Variants in SLFN11 observed in about 807,000 individuals in gnomAD.
The protein encoded by SLFN11 is schlafen family member 11.
In SLFN11, 43 loss-of-function variants were observed where a neutral mutation model predicts 53.4. The observed-to-expected ratio is 0.80, with a 90% CI of 0.63 to 1.04. The LOEUF (loss-of-function observed/expected upper bound fraction) is 1.04, where lower values mean the gene tolerates loss of function less well. Among genes scored for constraint, SLFN11 ranks in the 50% least tolerant of loss-of-function variants. SLFN11 has a pLI of 0.00. For synonymous variants in SLFN11, 389 were observed against 394.7 expected (o/e 0.99, Z 0.17); for missense variants, 990 against 1,079.1 (o/e 0.92, Z 1.16).
In SLFN11 at chr17:35,350,867, C is replaced by T. The variant is rs1029346220; in HGVS notation, c.*1489G>A. The T allele has an allele frequency of 6.6e-6, 1 of 152,118 alleles. No homozygotes were observed. The highest frequency in any genetic ancestry group is 2.4e-5 in the African/African-American group (1 of 41,432). The allele number at this position is 152,118 out of a possible 1,614,324, so 9.4% of individuals were successfully genotyped here. Reference sequence around the variant, plus strand: ...AAGTGAAATATTGGTCATATGATTTCTTAGTTTCCATTAGTTATGCAAATA... The same window carrying T: ...AAGTGAAATATTGGTCATATGATTTTTTAGTTTCCATTAGTTATGCAAATA... On this transcript the variant is annotated 3_prime_UTR_variant, in exon 7 of 7. Transcript: ENST00000685675.
chr17:35,352,926 G>A lies in SLFN11; in HGVS notation c.2136C>T (p.Cys712=). ...GGTCTGAGAGAGGAGGGAGGCCACT[G>A]CAATCCAAGTGGCTGGTCTGAAAGT... ...LDYFQTSHLD[C]SGLPPLSDQY... The change falls in exon 7 of 7, where the codon TGC becomes TGT. Residue 712 remains cysteine, a synonymous_variant. Coordinates refer to ENST00000685675, the MANE Select transcript of SLFN11 (RefSeq NM_001376007.1). 1.2e-6 allele frequency: 2 copies of A among 1,614,206 alleles called. No individual in the cohort carries two copies. Among genetic ancestry groups the A allele is most frequent in the Non-Finnish European group, 1.7e-6 (2 of 1,180,038 alleles).
Position 35,353,905 on chromosome 17 carries a change from C to T in SLFN11, c.1353G>A (p.Leu451=). 6.2e-7 allele frequency: 1 copy of T among 1,613,874 alleles called. No individual in the cohort carries two copies. The highest frequency in any genetic ancestry group is 2.2e-5 in the East Asian group (1 of 44,874). The stretch of plus-strand genomic sequence containing the variant: ...CACAGATGACTCCTGGCTTCTCCTG[C>T]AAGTTCAGGTCCACAGCCCAACTTC... ...FSRSWAVDLN[L]QEKPGVICDA... is the part of the protein sequence containing the mutation. Residue 451 remains leucine, a synonymous_variant, in exon 6 of 7, where the codon TTG becomes TTA. Coordinates refer to ENST00000685675, the MANE Select transcript of SLFN11 (RefSeq NM_001376007.1).
At chr17:35,372,414 T>A (rs1909799658) in intron 1 of SLFN11, among the ~76,000 whole-genome samples, 1 of 152,096 alleles carries the variant, frequency 6.6e-6, no homozygotes, top group African/African-American at 2.4e-5. Flanking sequence ...GTTATTATAG[T>A]CAATGATAAC....
At chr17:35,355,055 T>A (rs34765970) in intron 5 of SLFN11, among the ~76,000 whole-genome samples, 1,935 of 152,204 alleles carry the variant, frequency 0.013, 47 homozygotes, top group African/African-American at 0.043. Context: ...CATCTTAGAA[T>A]GGATAAAATA....
At chr17:35,367,905 C>T (rs993613653) in intron 1 of SLFN11, among the ~76,000 whole-genome samples, 4 of 151,948 alleles carry the variant, frequency 2.6e-5, no homozygotes, top group South Asian at 2.1e-4. Flanking sequence ...GGATCTAGTC[C>T]TGCAGGACCC....
intron 4 of SLFN11, 77 bp downstream of exon 4, chr17:35,362,662 G>T: frequency 8.5e-7 from 1 of 1,176,716 alleles, no homozygotes; most frequent in Non-Finnish European, 1.2e-6. Flanking sequence ...AAAGTCATAG[G>T]CAGCAAAGGA....
chr17:35,373,139 C>T (rs1326380517), intron 1 of SLFN11, among the ~76,000 whole-genome samples: 1 of 152,108 alleles, frequency 6.6e-6, no homozygotes, highest in Non-Finnish European at 1.5e-5. Flanking sequence ...CAGTGGCCTT[C>T]TAGGCTTCGG....
At chr17:35,368,954 C>T (rs1909305598) in intron 1 of SLFN11, among the ~76,000 whole-genome samples, 1 of 152,106 alleles carries the variant, frequency 6.6e-6, no homozygotes, top group South Asian at 2.1e-4. Context: ...CTATCACCTG[C>T]TGACTAAAGA....
chr17:35,359,517 T>TG (rs1216971086), intron 5 of SLFN11, among the ~76,000 whole-genome samples: 1 of 152,126 alleles, frequency 6.6e-6, no homozygotes, highest in Non-Finnish European at 1.5e-5. Context: ...TTTCCCTCTC[T>TG]GGGATTCTAC....
intron 3 of SLFN11, 148 bp from the exon 4 acceptor site, chr17:35,363,974 G>T: frequency 1.6e-6 from 1 of 624,740 alleles, no homozygotes; most frequent in Non-Finnish European, 2.6e-6. Flanking sequence ...TGGCTGGCAA[G>T]GAAGGGTGCT....
chr17:35,352,132 A>T lies in SLFN11; in HGVS notation c.*224T>A. ...GCTAAAGTTCCTTTAGAAAACCACCATCTTTCTGGCTGGAAGAGTCAGGGG... is the reference window on the plus strand; with the variant it reads ...GCTAAAGTTCCTTTAGAAAACCACCTTCTTTCTGGCTGGAAGAGTCAGGGG... On this transcript the variant is annotated 3_prime_UTR_variant, in exon 7 of 7. Transcript: ENST00000685675. 1.7e-6 allele frequency: 1 copy of T among 595,044 alleles called. No individual in the cohort carries two copies. The highest frequency in any genetic ancestry group is 2.9e-6 in the Non-Finnish European group (1 of 339,164). 36.9% of individuals were successfully genotyped at this position (595,044 alleles called of 1,614,324 possible).
chr17:35,363,664 C>T lies in SLFN11; in HGVS notation c.144G>A (p.Arg48=), dbSNP rs2141970035. The change falls in exon 4 of 7, where the codon CGG becomes CGA. Residue 48 remains arginine (R), a synonymous_variant. Coordinates refer to ENST00000685675, the MANE Select transcript of SLFN11 (RefSeq NM_001376007.1). ...CTGAGTTTAATAAAGCACATGCAGCCCGCATAACTCTCTCCTTCTCTTGGT... is the reference window on the plus strand; with the variant it reads ...CTGAGTTTAATAAAGCACATGCAGCTCGCATAACTCTCTCCTTCTCTTGGT... The part of the protein sequence containing the change: ...QRDQEKERVM[R]AACALLNSGG... 6.2e-7 allele frequency: 1 copy of T among 1,613,894 alleles called. No homozygotes were observed. Among genetic ancestry groups the T allele is most frequent in the East Asian group, 2.2e-5 (1 of 44,888 alleles).
chr17:35,366,993 G>C lies in SLFN11; in HGVS notation c.-66C>G, dbSNP rs985933961. 1 of 151,366 alleles carries C rather than the reference G, an allele frequency of 6.6e-6. No homozygotes were observed. Among genetic ancestry groups the C allele is most frequent in the Non-Finnish European group, 1.5e-5 (1 of 67,946 alleles). The allele number at this position is 151,366 out of a possible 1,614,324, so 9.4% of individuals were successfully genotyped here. A position where few individuals can be genotyped will look rare whatever the true frequency, so the allele number is the denominator to read the frequency against. On this transcript the variant is annotated 5_prime_UTR_variant, in exon 3 of 7. Transcript: ENST00000685675. Reference sequence around the variant, plus strand: ...CGGCTGAGGTGAGAGAATCACCTGAGCCTTCGAGACGAGATTGTGGTGAAC... The same window carrying C: ...CGGCTGAGGTGAGAGAATCACCTGACCCTTCGAGACGAGATTGTGGTGAAC...
In SLFN11 at chr17:35,363,232, T is replaced by C. The variant is rs148533083; in HGVS notation, c.576A>G (p.Leu192=). Residue 192 remains leucine, a synonymous_variant, in exon 4 of 7, where the codon CTA becomes CTG. Coordinates refer to ENST00000685675, the MANE Select transcript of SLFN11 (RefSeq NM_001376007.1). ...PADPNSDPAD[L]IFQKDYLEYG... is the part of the protein sequence containing the mutation. The stretch of plus-strand genomic sequence containing the variant: ...ATTCAAGATAGTCTTTTTGGAAAAT[T>C]AGGTCAGCAGGATCCGAGTTTGGGT... 1.2e-6 allele frequency: 2 copies of C among 1,613,926 alleles called. No homozygotes were observed. Among genetic ancestry groups the C allele is most frequent in the South Asian group, 2.2e-5 (2 of 91,082 alleles).
In SLFN11 at chr17:35,363,267, C is replaced by T; in HGVS notation, c.541G>A (p.Asp181Asn). ...KGVYQELPNS[D>N]PADPNSDPAD... The stretch of plus-strand genomic sequence containing the variant: ...GGATCCGAGTTTGGGTCAGCAGGAT[C>T]CGAGTTAGGGAGCTCTTGGTATACA... The change falls in exon 4 of 7, where the codon GAT becomes AAT. Residue 181 changes from aspartate to asparagine, a missense_variant. Asp to Asn is a conservative substitution (Grantham distance 23). Transcript: ENST00000685675. The T allele has an allele frequency of 6.2e-7, 1 of 1,614,004 alleles. No individual in the cohort carries two copies. The highest frequency in any genetic ancestry group is 8.5e-7 in the Non-Finnish European group (1 of 1,179,986).
chr17:35,358,693 G>A (rs538347249), intron 5 of SLFN11, among the ~76,000 whole-genome samples: 2 of 152,036 alleles, frequency 1.3e-5, no homozygotes, highest in Non-Finnish European at 2.9e-5. Flanking sequence ...ACACAGAAAT[G>A]ATGAATTACA....
At chr17:35,365,298 T>A (rs1481271614) in intron 3 of SLFN11, among the ~76,000 whole-genome samples, 1 of 152,010 alleles carries the variant, frequency 6.6e-6, no homozygotes, top group East Asian at 1.9e-4. Flanking sequence ...GACAAAAATA[T>A]TTTTTGCGTG....
At chr17:35,361,480 T>C (rs1315336505) in intron 4 of SLFN11, among the ~76,000 whole-genome samples, 1 of 152,006 alleles carries the variant, frequency 6.6e-6, no homozygotes, top group Non-Finnish European at 1.5e-5. Flanking sequence ...TCTTTTGTTT[T>C]TGAGACAGGG....
intron 1 of SLFN11, among the ~76,000 whole-genome samples, chr17:35,369,831 C>T (rs541797320): frequency 2.0e-5 from 3 of 152,110 alleles, no homozygotes; most frequent in African/African-American, 4.8e-5. Flanking sequence ...ACCCAAAACC[C>T]GCACAAACCA....
Sources: allele counts gnomAD v4.1 joint callset (sites outside exome capture counted in the v4.1 genomes callset), GRCh38; gene constraint gnomAD v4.1.1; transcripts MANE v1.5; gene names NCBI Gene and HGNC (gene_info 2026-07-23, HGNC 2026-07-21).